Variants in KCNIP1 observed in about 807,000 individuals in gnomAD.
KCNIP1 encodes the protein A-type potassium channel modulatory protein KCNIP1.
KCNIP1 carries 18 observed loss-of-function variants against 33.0 expected under a neutral mutation model. The ratio of observed to expected loss-of-function variants is 0.55; its 90% CI spans 0.38 to 0.81. The LOEUF is 0.81. Ranked by LOEUF, KCNIP1 falls within the 30% of genes least tolerant of loss-of-function variation. The pLI is 0.00. For missense variants in KCNIP1, 238 were observed against 271.6 expected, an observed-to-expected ratio of 0.88 and a Z score of 0.87; for synonymous variants, 93 against 98.3, an observed-to-expected ratio of 0.95 and a Z score of 0.32.
chr5:170,701,390 G>C (rs79224627), intron 1 of KCNIP1, among the ~76,000 whole-genome samples: 1 of 152,332 alleles, frequency 6.6e-6, no homozygotes, highest in East Asian at 1.9e-4. Context: ...AGGGCTGGGA[G>C]TTCCAAGTCA....
chr5:170,454,626 T>C (rs1331642945), intron 1 of KCNIP1, among the ~76,000 whole-genome samples: 2 of 152,230 alleles, frequency 1.3e-5, no homozygotes, highest in Admixed American at 1.3e-4. Context: ...CATTAAACTT[T>C]ACCTGGTAAA....
intron 1 of KCNIP1, among the ~76,000 whole-genome samples, chr5:170,578,185 G>A (rs1413645135): frequency 5.9e-5 from 9 of 152,200 alleles, no homozygotes; most frequent in African/African-American, 2.4e-5. Flanking sequence ...AGTGAGAAGG[G>A]GGGAAAGAAA....
rs184586804 is a variant in KCNIP1 at position 170,447,509 on chromosome 5, C to G, written c.88+93545C>G. ...AGTTCTGACTTGAAGAATTAGGAACCACACAGGACCCCGTTTGTGAAGGGG... is the reference window on the plus strand; with the variant it reads ...AGTTCTGACTTGAAGAATTAGGAACGACACAGGACCCCGTTTGTGAAGGGG... On this transcript the variant is annotated intron_variant, in intron 1 of 7. Coordinates refer to the KCNIP1 transcript ENST00000377360. Among the ~76,000 whole-genome samples, 823 of 152,236 alleles carry G rather than the reference C, an allele frequency of 5.4e-3. 10 individuals are homozygous for G. Among genetic ancestry groups the G allele is most frequent in the African/African-American group, 0.019 (779 of 41,534 alleles).
At chr5:170,633,733 CGGA>C (rs1760165906) in intron 1 of KCNIP1, among the ~76,000 whole-genome samples, 1 of 3,178 alleles carries the variant, frequency 3.1e-4, no homozygotes, top group African/African-American at 2.1e-3. Flanking sequence ...GAGGGGGGGA[CGGA>C]GGGGGGGGCG....
intron 1 of KCNIP1, among the ~76,000 whole-genome samples, chr5:170,572,914 A>G (rs1436184248): frequency 6.6e-6 from 1 of 152,258 alleles, no homozygotes; most frequent in Non-Finnish European, 1.5e-5. Context: ...ATACGGTGCC[A>G]GGAACATTAC....
At chr5:170,429,556 C>A (rs2113443991) in intron 1 of KCNIP1, among the ~76,000 whole-genome samples, 1 of 152,148 alleles carries the variant, frequency 6.6e-6, no homozygotes, top group South Asian at 2.1e-4. Context: ...TTTAGGGTAT[C>A]CGTCCCCACA....
At chr5:170,514,485 C>G (rs1202367768) in intron 1 of KCNIP1, among the ~76,000 whole-genome samples, 6 of 152,338 alleles carry the variant, frequency 3.9e-5, no homozygotes, top group African/African-American at 1.4e-4. Flanking sequence ...ACTCTAAGCC[C>G]TGTAGGCCCT....
chr5:170,675,305 T>C (rs574372959), intron 1 of KCNIP1, among the ~76,000 whole-genome samples: 69 of 150,034 alleles, frequency 4.6e-4, no homozygotes, highest in African/African-American at 1.6e-3. Flanking sequence ...TCTCAAAAAA[T>C]ATATATATAT....
chr5:170,537,568 G>T (rs1756040397), intron 1 of KCNIP1, among the ~76,000 whole-genome samples: 1 of 152,178 alleles, frequency 6.6e-6, no homozygotes, highest in Non-Finnish European at 1.5e-5. Context: ...GGCTGGGGAG[G>T]CTGACCTGGG....
At chr5:170,477,956 G>T (rs182578648) in intron 1 of KCNIP1, among the ~76,000 whole-genome samples, 2 of 152,292 alleles carry the variant, frequency 1.3e-5, no homozygotes, top group East Asian at 3.9e-4. Flanking sequence ...CAATAGAAGT[G>T]CCTCCAGGGA....
chr5:170,626,258 C>T (rs1759818723), intron 1 of KCNIP1, among the ~76,000 whole-genome samples: 1 of 152,232 alleles, frequency 6.6e-6, no homozygotes, highest in Non-Finnish European at 1.5e-5. Context: ...CATCTGCACC[C>T]AGCAAATGGA....
chr5:170,678,147 T>C, intron 1 of KCNIP1, among the ~76,000 whole-genome samples: 1 of 152,238 alleles, frequency 6.6e-6, no homozygotes, highest in Non-Finnish European at 1.5e-5. Flanking sequence ...GTAGCTCTGA[T>C]GGAACTGGGA....
At chr5:170,505,127 A>C (rs1332449755) in intron 1 of KCNIP1, among the ~76,000 whole-genome samples, 1 of 152,222 alleles carries the variant, frequency 6.6e-6, no homozygotes, top group Non-Finnish European at 1.5e-5. Flanking sequence ...GCCAAAAGGA[A>C]TCAGCTGCTG....
intron 1 of KCNIP1, among the ~76,000 whole-genome samples, chr5:170,603,797 G>A (rs1487187241): frequency 2.0e-5 from 3 of 152,214 alleles, no homozygotes; most frequent in Non-Finnish European, 4.4e-5. Flanking sequence ...GCCCAGATCC[G>A]GCAGGGCCTT....
At chr5:170,432,941 G>T (rs1755776256) in intron 1 of KCNIP1, among the ~76,000 whole-genome samples, 2 of 152,096 alleles carry the variant, frequency 1.3e-5, no homozygotes, top group Admixed American at 1.3e-4. Context: ...AGTGGGGCCT[G>T]GTCTAAGCGA....
chr5:170,365,284 G>A (rs961391529), intron 1 of KCNIP1, among the ~76,000 whole-genome samples: 6 of 151,962 alleles, frequency 3.9e-5, no homozygotes, highest in Admixed American at 2.0e-4. Flanking sequence ...CTACAGGCTC[G>A]GCACTGCATG....
intron 1 of KCNIP1, among the ~76,000 whole-genome samples, chr5:170,623,491 C>T (rs145930241): frequency 0.021 from 3,234 of 152,178 alleles, 118 homozygotes; most frequent in African/African-American, 0.074. Context: ...GGATTACAGG[C>T]GTGAGCCACC....
chr5:170,381,785 C>T (rs912241412), intron 1 of KCNIP1, among the ~76,000 whole-genome samples: 14 of 152,212 alleles, frequency 9.2e-5, no homozygotes, highest in Admixed American at 3.3e-4. Flanking sequence ...ATATCACTCC[C>T]GGAGAATGTT....
At chr5:170,710,637 C>T (rs962192885) in intron 1 of KCNIP1, among the ~76,000 whole-genome samples, 2 of 152,210 alleles carry the variant, frequency 1.3e-5, no homozygotes, top group South Asian at 2.1e-4. Flanking sequence ...TGTTTTCATG[C>T]AGGCTGCCTT....
Sources: allele counts gnomAD v4.1 joint callset (sites outside exome capture counted in the v4.1 genomes callset), GRCh38; gene constraint gnomAD v4.1.1; transcripts MANE v1.5; gene names NCBI Gene and HGNC (gene_info 2026-07-23, HGNC 2026-07-21).